The following RALGPS1 variants were observed in gnomAD, a reference collection of about 807,000 sequenced individuals.
RALGPS1 encodes Ral GEF with PH domain and SH3 binding motif 1.
Under a neutral mutation model 78.8 loss-of-function variants are expected in RALGPS1, and 19 were observed. The observed-to-expected ratio is 0.24, with a 90% CI of 0.17 to 0.35. RALGPS1 has a LOEUF of 0.35. Ranked by LOEUF, RALGPS1 falls within the 10% of genes least tolerant of loss-of-function variation. The pLI, the probability that RALGPS1 is intolerant of heterozygous loss-of-function variation, is 1.00. For synonymous variants in RALGPS1, 228 were observed against 256.3 expected (o/e 0.89, Z 1.06); for missense variants, 454 against 688.3 (o/e 0.66, Z 3.81).
chr9:127,041,057 G>GTGTGTGTGTGTGTGTGTT (rs1325483907), intron 5 of RALGPS1, among the ~76,000 whole-genome samples: 2 of 151,450 alleles, frequency 1.3e-5, no homozygotes, highest in South Asian at 4.2e-4. Context: ...GTGTGTGTGT[G>GTGTGTGTGTGTGTGTGTT]TGTGTGTGTA....
At chr9:127,202,621 G>A (rs556404366) in intron 14 of RALGPS1, among the ~76,000 whole-genome samples, 1 of 152,302 alleles carries the variant, frequency 6.6e-6, no homozygotes, top group South Asian at 2.1e-4. Context: ...GGGAGGGGCA[G>A]TGAGATGCAG....
At chr9:126,956,580 G>A (rs1360913638) in intron 1 of RALGPS1, among the ~76,000 whole-genome samples, 1 of 152,068 alleles carries the variant, frequency 6.6e-6, no homozygotes, top group Non-Finnish European at 1.5e-5. Context: ...ATCTGTAGGT[G>A]GGGTGGGCCA....
chr9:127,014,145 C>T (rs1458314263), intron 4 of RALGPS1, among the ~76,000 whole-genome samples: 1 of 152,138 alleles, frequency 6.6e-6, no homozygotes, highest in Non-Finnish European at 1.5e-5. Context: ...GCAGCCCGGG[C>T]CTGAGGTTGG....
At chr9:127,090,992 T>C (rs1290808505) in intron 8 of RALGPS1, among the ~76,000 whole-genome samples, 1 of 152,232 alleles carries the variant, frequency 6.6e-6, no homozygotes. Context: ...AAGCATGTGA[T>C]CTTAGACAAA....
rs757845966 is a variant in RALGPS1 at position 127,140,809 on chromosome 9, C to G, written c.611-25260C>G. On this transcript the variant is annotated intron_variant, in intron 8 of 18. Transcript: ENST00000259351. ...GCATGGGGCAGCCATGGAGTCCACG[C>G]TGGAAGAGACTTGGGCGAGGGTGGA... is the stretch of plus-strand genomic sequence containing the variant. Among the ~76,000 whole-genome samples the G allele has an allele frequency of 2.0e-5, 3 of 152,262 alleles. No homozygotes were observed. The South Asian group carries it at 6.2e-4, about 32-fold the overall frequency.
At chr9:126,917,603 C>T (rs1177716207) in intron 1 of RALGPS1, among the ~76,000 whole-genome samples, 1 of 152,146 alleles carries the variant, frequency 6.6e-6, no homozygotes, top group Non-Finnish European at 1.5e-5. Flanking sequence ...ATTTGTAAAG[C>T]AAGGATAACC....
chr9:127,035,811 CTG>C (rs2046816945), intron 5 of RALGPS1, among the ~76,000 whole-genome samples: 1 of 152,086 alleles, frequency 6.6e-6, no homozygotes, highest in Non-Finnish European at 1.5e-5. Context: ...GGGCTGCACA[CTG>C]TTTGTTTTGA....
intron 8 of RALGPS1, among the ~76,000 whole-genome samples, chr9:127,158,972 G>T (rs1424866816): frequency 6.6e-6 from 1 of 151,822 alleles, no homozygotes; most frequent in African/African-American, 2.4e-5. Flanking sequence ...AGTGTGGGAG[G>T]TATAATTTCC....
At chr9:126,974,953 T>A (rs1270461386) in intron 3 of RALGPS1, among the ~76,000 whole-genome samples, 1 of 144,486 alleles carries the variant, frequency 6.9e-6, no homozygotes, top group East Asian at 1.9e-4. Context: ...CCCCAACCCC[T>A]ACCCATACTT....
intron 8 of RALGPS1, chr9:127,107,089 A>G (rs2054291425): frequency 6.6e-6 from 1 of 152,228 alleles, no homozygotes; most frequent in Non-Finnish European, 1.5e-5. Flanking sequence ...TCTTCCAGAA[A>G]TGATGATTCC....
At chr9:127,154,868 C>T (rs934872084) in intron 8 of RALGPS1, among the ~76,000 whole-genome samples, 5 of 152,228 alleles carry the variant, frequency 3.3e-5, no homozygotes, top group African/African-American at 4.8e-5. Flanking sequence ...GGGAGCCTTT[C>T]TGTGCACAGT....
chr9:127,146,320 G>A (rs1457682269), intron 8 of RALGPS1, among the ~76,000 whole-genome samples: 1 of 152,056 alleles, frequency 6.6e-6, no homozygotes, highest in African/African-American at 2.4e-5. Flanking sequence ...GAGAACATGC[G>A]GTATTTGCTT....
chr9:126,977,865 A>G, intron 4 of RALGPS1, 120 bp downstream of exon 4: 4 of 661,486 alleles, frequency 6.0e-6, no homozygotes, highest in East Asian at 2.9e-5. Context: ...CATGTTATCC[A>G]TTTAAACCCC....
At chr9:127,050,169 C>T (rs753816407) in intron 6 of RALGPS1, 37 bp downstream of exon 6, 3 of 1,495,950 alleles carry the variant, frequency 2.0e-6, no homozygotes, top group Non-Finnish European at 2.8e-6. Flanking sequence ...TCCTTTCCCT[C>T]TTCTCTCCCA....
intron 7 of RALGPS1, 141 bp downstream of exon 7, chr9:127,053,080 G>C: frequency 1.5e-6 from 1 of 650,066 alleles, no homozygotes; most frequent in East Asian, 2.7e-5. Context: ...CAGTTCTGTA[G>C]GCATCCTCAC....
intron 8 of RALGPS1, among the ~76,000 whole-genome samples, chr9:127,149,812 T>C (rs1036957793): frequency 1.3e-5 from 2 of 152,236 alleles, no homozygotes; most frequent in African/African-American, 4.8e-5. Flanking sequence ...CTCACCCTAC[T>C]GTTCAGAGCC....
chr9:126,943,818 G>A (rs540102536), intron 1 of RALGPS1, among the ~76,000 whole-genome samples: 2 of 152,308 alleles, frequency 1.3e-5, no homozygotes, highest in African/African-American at 4.8e-5. Flanking sequence ...GAAGGACCAG[G>A]CTGTTCATTA....
chr9:127,125,841 C>G (rs755883569), intron 8 of RALGPS1, among the ~76,000 whole-genome samples: 5 of 152,126 alleles, frequency 3.3e-5, no homozygotes, highest in Non-Finnish European at 5.9e-5. Flanking sequence ...TCAGTAAATG[C>G]GTGACATTTA....
intron 8 of RALGPS1, among the ~76,000 whole-genome samples, chr9:127,157,781 T>G (rs78921806): frequency 6.0e-4 from 92 of 152,240 alleles, no homozygotes; most frequent in African/African-American, 2.1e-3. Flanking sequence ...TCATATCACC[T>G]GCAAAAATGA....
Sources: allele counts gnomAD v4.1 joint callset (sites outside exome capture counted in the v4.1 genomes callset), GRCh38; gene constraint gnomAD v4.1.1; transcripts MANE v1.5; gene names NCBI Gene and HGNC (gene_info 2026-07-23, HGNC 2026-07-21).